The following SDK1 variants were observed in gnomAD, a reference collection of about 807,000 sequenced individuals.
SDK1 encodes protein sidekick-1.
Under a neutral mutation model 245.5 loss-of-function variants are expected in SDK1, and 157 were observed. That is an observed-to-expected ratio of 0.64 (90% CI 0.56 to 0.73). The LOEUF is 0.73. SDK1 is among the 30% of genes least tolerant of loss of function. The probability of loss-of-function intolerance (pLI) is 0.00; values close to 1 mark genes in which losing one functional copy is unlikely to be tolerated. For missense variants in SDK1, 3,583 were observed against 3,002.3 expected, an observed-to-expected ratio of 1.19 and a Z score of -4.52; for synonymous variants, 1,647 against 1,278.5, an observed-to-expected ratio of 1.29 and a Z score of -6.15.
At chr7:3,511,965 C>G (rs1238769194) in intron 1 of SDK1, among the ~76,000 whole-genome samples, 4 of 150,334 alleles carry the variant, frequency 2.7e-5, no homozygotes, top group Non-Finnish European at 3.0e-5. Context: ...TGTATTGACA[C>G]CAGGATCACC....
intron 5 of SDK1, among the ~76,000 whole-genome samples, chr7:3,823,073 C>A (rs1188396628): frequency 6.6e-6 from 1 of 152,080 alleles, no homozygotes; most frequent in Non-Finnish European, 1.5e-5. Flanking sequence ...CTTTGTGATG[C>A]CATGGAGAAT....
At chr7:3,606,198 A>G (rs962118553) in intron 1 of SDK1, among the ~76,000 whole-genome samples, 13 of 152,146 alleles carry the variant, frequency 8.5e-5, no homozygotes, top group African/African-American at 2.4e-4. Context: ...TTTTCTGGCC[A>G]GAAATTTTGG....
At position 3,639,142 on chromosome 7, in the gene SDK1, TAAAG is replaced by T. The variant is rs1387298989; in HGVS notation, c.565+35_565+38del. 7 of 1,306,940 alleles carry T rather than the reference TAAAG, an allele frequency of 5.4e-6. No homozygotes were observed. The East Asian group carries it at 1.5e-4, about 27-fold the overall frequency. The allele number at this position is 1,306,940 out of a possible 1,614,324, so 81.0% of individuals were successfully genotyped here. A position where few individuals can be genotyped will look rare whatever the true frequency, so the allele number is the denominator to read the frequency against. On this transcript the variant is annotated intron_variant, in intron 3 of 44. Transcript: ENST00000404826. ...GTACAGTAAGGAGATGTCCAAATGT[TAAAG>T]AACAAAGTGTCGCTGGGGAGTCAAT...
chr7:3,410,125 A>G lies in SDK1; in HGVS notation c.298+108241A>G, dbSNP rs114068562. On this transcript the variant is annotated intron_variant, in intron 1 of 44. Coordinates refer to ENST00000404826, the MANE Select transcript of SDK1 (RefSeq NM_152744.4). ...TAAGTAATACTTAAGTGTTATCATA[A>G]TCACATTTTAATTCAGTATCCCTTT... Among the ~76,000 whole-genome samples, 398 of 152,328 alleles carry G rather than the reference A, an allele frequency of 2.6e-3. 2 individuals are homozygous for G. Among genetic ancestry groups the G allele is most frequent in the African/African-American group, 9.1e-3 (377 of 41,562 alleles).
intron 1 of SDK1, among the ~76,000 whole-genome samples, chr7:3,326,157 A>G (rs1422566544): frequency 6.6e-6 from 1 of 152,166 alleles, no homozygotes; most frequent in Non-Finnish European, 1.5e-5. Context: ...CAAATTGTAG[A>G]GTATATAAAA....
At chr7:3,994,516 C>T (rs563508334) in intron 14 of SDK1, among the ~76,000 whole-genome samples, 241 of 151,956 alleles carry the variant, frequency 1.6e-3, no homozygotes, top group Non-Finnish European at 2.6e-3. Flanking sequence ...GTGGCTCATG[C>T]CTATAATCCC....
chr7:3,726,873 C>G (rs1779024339), intron 4 of SDK1, among the ~76,000 whole-genome samples: 1 of 152,222 alleles, frequency 6.6e-6, no homozygotes, highest in African/African-American at 2.4e-5. Flanking sequence ...CACCTTTCTA[C>G]TGTGTAGTCC....
chr7:3,545,766 C>T (rs938255404), intron 1 of SDK1, among the ~76,000 whole-genome samples: 1 of 152,180 alleles, frequency 6.6e-6, no homozygotes, highest in Non-Finnish European at 1.5e-5. Context: ...CTTCTGGCCG[C>T]TGTTCTGTTA....
At chr7:4,050,052 G>A (rs1789329079) in intron 18 of SDK1, among the ~76,000 whole-genome samples, 2 of 152,186 alleles carry the variant, frequency 1.3e-5, no homozygotes, top group African/African-American at 4.8e-5. Context: ...AAGCACAGCT[G>A]ATCCTCCCTT....
chr7:3,637,318 A>G (rs748414551), intron 2 of SDK1, among the ~76,000 whole-genome samples: 1 of 152,158 alleles, frequency 6.6e-6, no homozygotes, highest in East Asian at 1.9e-4. Flanking sequence ...GCTGGTGTCA[A>G]ACTCCTGGCC....
At position 3,327,909 on chromosome 7, in the gene SDK1, G is replaced by A. The variant is rs1329187823; in HGVS notation, c.298+26025G>A. Reference sequence around the variant, plus strand: ...GAGGGTGTGTATACCTATAGTTGTCGTTCTGTCGTATGTTGAATTATATGC... The same window carrying A: ...GAGGGTGTGTATACCTATAGTTGTCATTCTGTCGTATGTTGAATTATATGC... On this transcript the variant is annotated intron_variant, in intron 1 of 44. Coordinates refer to ENST00000404826, the MANE Select transcript of SDK1 (RefSeq NM_152744.4). 4.6e-5 allele frequency among the ~76,000 whole-genome samples: 7 copies of A among 152,148 alleles called. No individual in the cohort carries two copies. In the South Asian group the frequency reaches 1.0e-3, roughly 23 times the overall value.
chr7:3,955,651 G>A lies in SDK1; in HGVS notation c.1151-3280G>A, dbSNP rs566439964. Among the ~76,000 whole-genome samples, 7 of 152,330 alleles carry A rather than the reference G, an allele frequency of 4.6e-5. 1 individual carries two copies. Among genetic ancestry groups the A allele is most frequent in the Admixed American group, 1.3e-4 (2 of 15,308 alleles). The stretch of plus-strand genomic sequence containing the variant: ...GCGACCTGGAAGGAACAGGGAGGCA[G>A]CGCAGGAAACATCTTTGGATCTTGC... On this transcript the variant is annotated intron_variant, in intron 7 of 44. Transcript: ENST00000404826.
At chr7:3,453,005 C>T (rs1400118574) in intron 1 of SDK1, among the ~76,000 whole-genome samples, 1 of 152,156 alleles carries the variant, frequency 6.6e-6, no homozygotes, top group Non-Finnish European at 1.5e-5. Context: ...GTTTTAATGC[C>T]ACTGCCATCC....
At chr7:3,705,261 C>G (rs1784851545) in intron 4 of SDK1, among the ~76,000 whole-genome samples, 1 of 151,718 alleles carries the variant, frequency 6.6e-6, no homozygotes, top group Non-Finnish European at 1.5e-5. Flanking sequence ...TGCATGCAAT[C>G]TGTAGATTGT....
chr7:3,914,770 G>A (rs1431058436), intron 5 of SDK1, among the ~76,000 whole-genome samples: 2 of 152,200 alleles, frequency 1.3e-5, no homozygotes, highest in South Asian at 2.1e-4. Flanking sequence ...TAAAAGCTAA[G>A]TGGAATGTTG....
At chr7:3,893,383 C>T (rs1170628090) in intron 5 of SDK1, among the ~76,000 whole-genome samples, 1 of 152,064 alleles carries the variant, frequency 6.6e-6, no homozygotes, top group Non-Finnish European at 1.5e-5. Flanking sequence ...CTATGCTTAT[C>T]TGTAAATGAG....
intron 1 of SDK1, among the ~76,000 whole-genome samples, chr7:3,557,245 T>C (rs149625027): frequency 2.5e-3 from 382 of 152,154 alleles, no homozygotes; most frequent in Admixed American, 5.7e-3. Context: ...ATCTGTAATA[T>C]CAAGAATGAA....
At chr7:3,998,782 G>A (rs1195035372) in intron 14 of SDK1, among the ~76,000 whole-genome samples, 1 of 152,158 alleles carries the variant, frequency 6.6e-6, no homozygotes, top group African/African-American at 2.4e-5. Context: ...CTTCCGCATC[G>A]CTCGCTGTCT....
intron 35 of SDK1, among the ~76,000 whole-genome samples, chr7:4,186,460 G>A (rs987575111): frequency 6.6e-6 from 1 of 152,200 alleles, no homozygotes; most frequent in Admixed American, 6.5e-5. Flanking sequence ...AAAAAGAGGT[G>A]CTGTGTCCCC....
Sources: gnomAD v4.1 joint callset for allele counts (sites outside exome capture counted in the v4.1 genomes callset) on GRCh38, gnomAD v4.1.1 for gene constraint, MANE v1.5 for transcripts, NCBI Gene and HGNC (gene_info 2026-07-23, HGNC 2026-07-21) for gene names.